AKNAD1: variants seen among roughly 807,000 people sequenced by gnomAD.
AKNAD1 encodes protein AKNAD1.
A neutral mutation model predicts 90.8 loss-of-function variants in AKNAD1; 67 were observed. That is an observed-to-expected ratio of 0.74 (90% CI 0.61 to 0.90). The LOEUF (loss-of-function observed/expected upper bound fraction) is 0.90. Among genes scored for constraint, AKNAD1 ranks in the 40% least tolerant of loss-of-function variants. AKNAD1 has a pLI of 0.00. For missense variants in AKNAD1, 957 were observed against 975.4 expected (o/e 0.98, Z 0.25); for synonymous variants, 327 against 341.4 (o/e 0.96, Z 0.46).
rs77162447 is a variant in AKNAD1, at chr1:108,846,785, A to G, written c.1245+1967T>C. Among the ~76,000 whole-genome samples the G allele has an allele frequency of 6.3e-3, 966 of 152,202 alleles. 4 individuals carry two copies. The highest frequency in any genetic ancestry group is 0.01 in the Non-Finnish European group (713 of 68,020). On this transcript the variant is annotated intron_variant, in intron 5 of 15. Transcript: ENST00000370001. ...CTCTGCAGGCCAGATCCACTGGTCTAACTGCCTACTGGAGCCCTCTACTTA... is the reference window on the plus strand; with the variant it reads ...CTCTGCAGGCCAGATCCACTGGTCTGACTGCCTACTGGAGCCCTCTACTTA...
At position 108,834,617 on chromosome 1, in the gene AKNAD1, A is replaced by G. The variant is rs1198552343; in HGVS notation, c.1665-89T>C. 7 of 1,325,980 alleles carry G rather than the reference A, an allele frequency of 5.3e-6. No individual in the cohort carries two copies. The East Asian group carries it at 1.0e-4, about 19-fold the overall frequency. The allele number at this position is 1,325,980 out of a possible 1,614,324, so 82.1% of individuals were successfully genotyped here. A position where few individuals can be genotyped will look rare whatever the true frequency, so the allele number is the denominator to read the frequency against. ...CCACTATTTGGAATCACTTGGCATC[A>G]CCCCTGGGATGGTGGGAGCGAGCAA... On this transcript the variant is annotated intron_variant, in intron 8 of 15. Transcript: ENST00000370001.
Position 108,826,670 on chromosome 1 carries a change from A to G in AKNAD1, c.1936+535T>C, listed in dbSNP as rs192613155. On this transcript the variant is annotated intron_variant, in intron 11 of 15. Coordinates refer to ENST00000370001, the MANE Select transcript of AKNAD1 (RefSeq NM_152763.5). ...GAGTCCTTCATTTTCAGCTAGAAAC[A>G]GGTGTTCATGCTTTACTCTACTTAA... Among the ~76,000 whole-genome samples the G allele has an allele frequency of 8.5e-4, 129 of 151,132 alleles. 3 individuals are homozygous for G. The highest frequency in any genetic ancestry group is 1.4e-3 in the Non-Finnish European group (94 of 67,846).
chr1:108,818,376 C>A (rs1293026399), intron 14 of AKNAD1, among the ~76,000 whole-genome samples: 8 of 152,174 alleles, frequency 5.3e-5, no homozygotes, highest in Non-Finnish European at 1.5e-5. Context: ...ATCCTCCAGG[C>A]AAGAGGTGGT....
rs368923502 is a variant in AKNAD1, at chr1:108,852,711, G to C, written c.-47C>G. 15 of 1,516,220 alleles carry C rather than the reference G, an allele frequency of 9.9e-6. No individual in the cohort carries two copies. In the African/African-American group the frequency reaches 2.0e-4, roughly 20 times the overall value. The allele number at this position is 1,516,220 out of a possible 1,614,324, so 93.9% of individuals were successfully genotyped here. On this transcript the variant is annotated 5_prime_UTR_variant, in exon 2 of 16. Coordinates refer to ENST00000370001, the MANE Select transcript of AKNAD1 (RefSeq NM_152763.5). Reference sequence around the variant, plus strand: ...TCGTCCTCTGCCTCCTGAGCTGGCTGCTGTCAGTTGTAACAATAGCTCTGG... The same window carrying C: ...TCGTCCTCTGCCTCCTGAGCTGGCTCCTGTCAGTTGTAACAATAGCTCTGG...
intron 6 of AKNAD1, 64 bp from the exon 7 acceptor site, chr1:108,837,770 A>T (rs1664430793): frequency 1.3e-6 from 2 of 1,523,210 alleles, no homozygotes; most frequent in Non-Finnish European, 1.8e-6. Flanking sequence ...ATTAATAATG[A>T]CAGTTCTTGA....
chr1:108,820,370 T>C (rs1301152776), intron 14 of AKNAD1, among the ~76,000 whole-genome samples, 175 bp downstream of exon 14: 1 of 152,158 alleles, frequency 6.6e-6, no homozygotes, highest in Admixed American at 6.5e-5. Flanking sequence ...AATGACTTGG[T>C]TTATTGAATA....
At chr1:108,840,460 A>G (rs1235488243) in intron 6 of AKNAD1, among the ~76,000 whole-genome samples, 2 of 152,242 alleles carry the variant, frequency 1.3e-5, no homozygotes, top group Non-Finnish European at 2.9e-5. Flanking sequence ...AATCTAACCT[A>G]TAAATTCAAT....
chr1:108,855,019 C>T (rs944325954), intron 1 of AKNAD1, among the ~76,000 whole-genome samples: 5 of 152,142 alleles, frequency 3.3e-5, no homozygotes, highest in African/African-American at 1.2e-4. Context: ...AAAACAAAAC[C>T]AGTCTCAGTA....
At chr1:108,838,750 A>G (rs1390038631) in intron 6 of AKNAD1, among the ~76,000 whole-genome samples, 1 of 152,188 alleles carries the variant, frequency 6.6e-6, no homozygotes, top group Non-Finnish European at 1.5e-5. Flanking sequence ...TTTTAAATCA[A>G]AAGGCATTGA....
At chr1:108,835,100 C>A (rs1250884112) in intron 7 of AKNAD1, 44 bp from the exon 8 acceptor site, 1 of 1,551,886 alleles carries the variant, frequency 6.4e-7, no homozygotes, top group Non-Finnish European at 8.6e-7. Flanking sequence ...GCCACAGTCC[C>A]ACTGGAGGTG....
chr1:108,855,814 A>C (rs1171141336), intron 1 of AKNAD1, among the ~76,000 whole-genome samples: 1 of 151,810 alleles, frequency 6.6e-6, no homozygotes, highest in African/African-American at 2.4e-5. Flanking sequence ...ATAAATAAAT[A>C]AATCACTAAG....
Position 108,830,876 on chromosome 1 carries a change from C to T in AKNAD1, c.1747-226G>A, listed in dbSNP as rs1022744492. The T allele has an allele frequency of 2.0e-5, 12 of 588,786 alleles. No individual in the cohort carries two copies. The Middle Eastern group carries it at 1.8e-3, about 89-fold the overall frequency. The allele number at this position is 588,786 out of a possible 1,614,324, so 36.5% of individuals were successfully genotyped here. ...CTGATGTGTCACTCAGTCGGGGCTG[C>T]GCCTCTAATGGCCTGGGCTGAAGAA... On this transcript the variant is annotated intron_variant, in intron 9 of 15. Transcript: ENST00000370001.
chr1:108,831,166 T>A (rs1362788056), intron 9 of AKNAD1, among the ~76,000 whole-genome samples: 1 of 152,226 alleles, frequency 6.6e-6, no homozygotes, highest in Non-Finnish European at 1.5e-5. Flanking sequence ...GGGGCCTAAA[T>A]GATTGGTTAT....
rs555187281 is a variant in AKNAD1 at position 108,826,634 on chromosome 1, T to C, written c.1936+571A>G. Among the ~76,000 whole-genome samples, 213 of 151,744 alleles carry C rather than the reference T, an allele frequency of 1.4e-3. 3 individuals are homozygous for C. The highest frequency in any genetic ancestry group is 4.9e-3 in the African/African-American group (202 of 41,520). On this transcript the variant is annotated intron_variant, in intron 11 of 15. Coordinates refer to ENST00000370001, the MANE Select transcript of AKNAD1 (RefSeq NM_152763.5). ...GGACAGACTGAATGACATCTTGTGATTGAGTCCATGGAGTCCTTCATTTTC... is the reference window on the plus strand; with the variant it reads ...GGACAGACTGAATGACATCTTGTGACTGAGTCCATGGAGTCCTTCATTTTC...
chr1:108,850,999 G>T (rs147007757), intron 2 of AKNAD1, among the ~76,000 whole-genome samples: 148 of 152,254 alleles, frequency 9.7e-4, no homozygotes, highest in Middle Eastern at 6.8e-3. Context: ...CATTACTAAC[G>T]ATCTTAATTC....
At chr1:108,851,634 T>C (rs1664865598) in intron 2 of AKNAD1, 38 bp downstream of exon 2, 1 of 1,515,190 alleles carries the variant, frequency 6.6e-7, no homozygotes, top group Non-Finnish European at 8.8e-7. Context: ...TAAGCAGTGG[T>C]CCCAATTAAT....
At chr1:108,853,999 G>T (rs1375125187) in intron 1 of AKNAD1, among the ~76,000 whole-genome samples, 2 of 152,060 alleles carry the variant, frequency 1.3e-5, no homozygotes, top group Non-Finnish European at 2.9e-5. Context: ...CTGGAGGCCA[G>T]TCTGCAGCCA....
In AKNAD1 at chr1:108,851,862, A is replaced by G. The variant is rs1260643968; in HGVS notation, c.803T>C (p.Val268Ala). The G allele has an allele frequency of 5.6e-6, 9 of 1,613,530 alleles. No homozygotes were observed. Among genetic ancestry groups the G allele is most frequent in the East Asian group, 2.2e-5 (1 of 44,892 alleles). ...LPDFSKIAPK[V>A]KIPKNKIINK... ...AATTATCTTATTTTTAGGAATTTTC[A>G]CTTTGGGAGCAATCTTAGAGAAATC... The change falls in exon 2 of 16, where the codon GTG (valine) becomes GCG (alanine). Residue 268 changes from valine (V) to alanine (A), a missense_variant. By Grantham distance (64) the Val-to-Ala change is moderately conservative. Transcript: ENST00000370001.
At chr1:108,823,199 C>A (rs963225966) in intron 13 of AKNAD1, 171 bp downstream of exon 13, 1 of 724,856 alleles carries the variant, frequency 1.4e-6, no homozygotes, top group Admixed American at 2.0e-5. Flanking sequence ...CTCTTGCCAT[C>A]CAGATGTAGG....
Sources: allele counts gnomAD v4.1 joint callset (sites outside exome capture counted in the v4.1 genomes callset), GRCh38; gene constraint gnomAD v4.1.1; transcripts MANE v1.5; gene names NCBI Gene and HGNC (gene_info 2026-07-23, HGNC 2026-07-21).